SHQ1: variants seen among roughly 807,000 people sequenced by gnomAD.
SHQ1 encodes the protein protein SHQ1 homolog.
SHQ1 carries 49 observed loss-of-function variants against 53.8 expected under a neutral mutation model. The observed-to-expected ratio is 0.91, with a 90% CI of 0.72 to 1.16. SHQ1 has a LOEUF of 1.16. SHQ1 is among the 50% of genes most tolerant of loss of function. The pLI is 0.00. For missense variants in SHQ1, 738 were observed against 683.1 expected (o/e 1.08, Z -0.90); for synonymous variants, 243 against 251.0 (o/e 0.97, Z 0.30).
chr3:72,728,613 G>A, the SHQ1 span, among the ~76,000 whole-genome samples: 17 of 152,328 alleles, frequency 1.1e-4, no homozygotes, highest in East Asian at 1.7e-3. Context: ...TTTGGGGTGC[G>A]GCTGCTCTGA....
chr3:72,754,947 G>A (rs956176247), intron 10 of SHQ1, among the ~76,000 whole-genome samples: 3 of 152,072 alleles, frequency 2.0e-5, no homozygotes, highest in African/African-American at 7.2e-5. Context: ...GATATTATTT[G>A]GATCTTTGTT....
intron 1 of SHQ1, among the ~76,000 whole-genome samples, chr3:72,845,686 C>T (rs1189158054): frequency 6.6e-6 from 1 of 152,162 alleles, no homozygotes; most frequent in African/African-American, 2.4e-5. Flanking sequence ...ATCAGGCCCA[C>T]TCCATATCAT....
intron 5 of SHQ1, among the ~76,000 whole-genome samples, chr3:72,830,453 A>G (rs1707792223): frequency 6.6e-6 from 1 of 152,130 alleles, no homozygotes; most frequent in African/African-American, 2.4e-5. Flanking sequence ...GGTGATAGTA[A>G]TTTAAAGTGA....
intron 10 of SHQ1, among the ~76,000 whole-genome samples, chr3:72,771,459 G>A (rs1331078677): frequency 1.3e-5 from 2 of 152,208 alleles, no homozygotes; most frequent in South Asian, 4.1e-4. Flanking sequence ...ACTTAAAGAC[G>A]AATATGAAGA....
chr3:72,801,686 C>T (rs930385924), intron 9 of SHQ1, among the ~76,000 whole-genome samples: 1 of 152,184 alleles, frequency 6.6e-6, no homozygotes, highest in Admixed American at 6.5e-5. Flanking sequence ...GCTAAATGGT[C>T]TGCACACTGG....
the SHQ1 span, among the ~76,000 whole-genome samples, chr3:72,732,275 T>A: frequency 1.3e-5 from 2 of 150,946 alleles, no homozygotes; most frequent in Admixed American, 1.3e-4. Context: ...GCCGGCATTG[T>A]TTGAGACTCA....
At chr3:72,770,733 T>A (rs114350834) in intron 10 of SHQ1, among the ~76,000 whole-genome samples, 1 of 152,118 alleles carries the variant, frequency 6.6e-6, no homozygotes, top group South Asian at 2.1e-4. Context: ...AATATCCACA[T>A]AGAAGACAGG....
In SHQ1 at chr3:72,772,641, A is replaced by G; in HGVS notation, c.1181+20275T>C. On this transcript the variant is annotated intron_variant, in intron 10 of 10. Coordinates refer to ENST00000325599, the MANE Select transcript of SHQ1 (RefSeq NM_018130.3). ...CATATATTATTGTACAAAAGGAAACAGAAGATGTACTAGACAATCTTGATG... is the reference window on the plus strand; with the variant it reads ...CATATATTATTGTACAAAAGGAAACGGAAGATGTACTAGACAATCTTGATG... 2 of 708,848 alleles carry G rather than the reference A, an allele frequency of 2.8e-6. 1 individual carries two copies. The highest frequency in any genetic ancestry group is 2.9e-5 in the South Asian group (2 of 68,090). The allele number at this position is 708,848 out of a possible 1,614,324, so 43.9% of individuals were successfully genotyped here.
intron 10 of SHQ1, among the ~76,000 whole-genome samples, chr3:72,755,520 C>A (rs1705481414): frequency 6.6e-6 from 1 of 152,154 alleles, no homozygotes; most frequent in Non-Finnish European, 1.5e-5. Context: ...TTCAAAATAG[C>A]ATTGGTGTAG....
chr3:72,725,489 C>A, the SHQ1 span, among the ~76,000 whole-genome samples: 2 of 152,164 alleles, frequency 1.3e-5, no homozygotes, highest in African/African-American at 4.8e-5. Context: ...CTCAGAGAGG[C>A]CTTTCCCAAC....
chr3:72,781,784 T>C (rs67355490), intron 10 of SHQ1, among the ~76,000 whole-genome samples: 33,412 of 150,352 alleles, frequency 0.22, 3,878 homozygotes, highest in Non-Finnish European at 0.25. Flanking sequence ...ATCACATCAC[T>C]AAAAAAAAAG....
chr3:72,769,099 CT>C (rs1705792812), intron 10 of SHQ1, among the ~76,000 whole-genome samples: 1 of 152,176 alleles, frequency 6.6e-6, no homozygotes, highest in South Asian at 2.1e-4. Flanking sequence ...AGGCCACAAA[CT>C]GCTGCCCCTA....
rs1283447721 is a variant in SHQ1, at chr3:72,749,819, A to G, written c.*465T>C. On this transcript the variant is annotated 3_prime_UTR_variant, in exon 11 of 11. Transcript: ENST00000325599. ...AGTCGCGGCAAGGAAAACAAAAGGT[A>G]TAAACATTCATTGGTTGAAAAACAA... The G allele has an allele frequency of 4.5e-6, 1 of 223,708 alleles. No individual in the cohort carries two copies. Among genetic ancestry groups the G allele is most frequent in the African/African-American group, 2.2e-5 (1 of 44,736 alleles). The allele number at this position is 223,708 out of a possible 1,614,324, so 13.9% of individuals were successfully genotyped here. A position where few individuals can be genotyped will look rare whatever the true frequency, so the allele number is the denominator to read the frequency against.
At chr3:72,783,363 CTTTT>C (rs796866861) in intron 10 of SHQ1, among the ~76,000 whole-genome samples, 1 of 129,102 alleles carries the variant, frequency 7.7e-6, no homozygotes, top group Admixed American at 7.6e-5. Flanking sequence ...TTTTTATACA[CTTTT>C]TTTTTTTTTT....
chr3:72,728,673 A>T, the SHQ1 span, among the ~76,000 whole-genome samples: 1 of 152,158 alleles, frequency 6.6e-6, no homozygotes, highest in South Asian at 2.1e-4. Flanking sequence ...GGGGTAAAGT[A>T]TTTCACCTGT....
downstream of SHQ1, among the ~76,000 whole-genome samples, chr3:72,748,329 CAAAAAAA>C (rs572927520): frequency 2.2e-4 from 13 of 58,784 alleles, no homozygotes; most frequent in South Asian, 8.0e-4. Flanking sequence ...ATGAGGCATG[CAAAAAAA>C]AAAAAAAAAA....
chr3:72,747,079 C>G (rs1419655958), downstream of SHQ1, among the ~76,000 whole-genome samples: 2 of 152,182 alleles, frequency 1.3e-5, no homozygotes, highest in African/African-American at 2.4e-5. Context: ...ACAACCTTCA[C>G]AAACCCTAAG....
intron 9 of SHQ1, among the ~76,000 whole-genome samples, chr3:72,797,903 A>T (rs965117652): frequency 2.7e-5 from 4 of 150,136 alleles, no homozygotes; most frequent in African/African-American, 4.9e-5. Flanking sequence ...TTTTTTTTTC[A>T]GTCTCTTTTG....
intron 10 of SHQ1, among the ~76,000 whole-genome samples, chr3:72,765,114 C>A (rs891564571): frequency 2.0e-5 from 3 of 152,184 alleles, no homozygotes; most frequent in Non-Finnish European, 2.9e-5. Context: ...CCTTAGCCCC[C>A]CTTCTAGGTC....
Sources: allele counts gnomAD v4.1 joint callset (sites outside exome capture counted in the v4.1 genomes callset), GRCh38; gene constraint gnomAD v4.1.1; transcripts MANE v1.5; gene names NCBI Gene and HGNC (gene_info 2026-07-23, HGNC 2026-07-21).